The following CSMD1 variants were observed in gnomAD, a reference collection of about 807,000 sequenced individuals.
CSMD1 encodes CUB and Sushi multiple domains 1.
A neutral mutation model predicts 417.5 loss-of-function variants in CSMD1; 213 were observed. The observed-to-expected ratio is 0.51, with a 90% CI of 0.46 to 0.57. The LOEUF is 0.57. Ranked by LOEUF, CSMD1 falls within the 20% of genes least tolerant of loss-of-function variation. CSMD1 has a pLI of 0.00. For missense variants in CSMD1, 6,923 were observed against 4,529.7 expected, an observed-to-expected ratio of 1.53 and a Z score of -15.17; for synonymous variants, 2,862 against 1,736.8, an observed-to-expected ratio of 1.65 and a Z score of -16.11.
At chr8:4,456,372 A>G (rs1043641214) in intron 2 of CSMD1, among the ~76,000 whole-genome samples, 2 of 152,228 alleles carry the variant, frequency 1.3e-5, no homozygotes, top group Admixed American at 6.5e-5. Flanking sequence ...TGTATCTGTC[A>G]CTAATCAAAT....
chr8:3,486,047 G>T (rs1363595826), intron 11 of CSMD1, among the ~76,000 whole-genome samples: 2 of 152,060 alleles, frequency 1.3e-5, no homozygotes, highest in East Asian at 1.9e-4. Flanking sequence ...TCACTTGGCA[G>T]ATAGAAATGA....
rs375261299 is a variant in CSMD1, at chr8:2,980,494, C to T, written c.8378-1694G>A. ...TCTTTCTCCTCCTCCTTCTCTTTCT[C>T]CTCCTCCTTATCATTTTCATCTTCT... On this transcript the variant is annotated intron_variant, in intron 54 of 69. Coordinates refer to ENST00000635120, the MANE Select transcript of CSMD1 (RefSeq NM_033225.6). Among the ~76,000 whole-genome samples the T allele has an allele frequency of 1.3e-3, 197 of 152,224 alleles. 2 individuals carry two copies. The highest frequency in any genetic ancestry group is 4.6e-3 in the African/African-American group (191 of 41,548).
chr8:4,129,243 G>C (rs1010939688), intron 3 of CSMD1, among the ~76,000 whole-genome samples: 2 of 151,988 alleles, frequency 1.3e-5, no homozygotes, highest in Non-Finnish European at 2.9e-5. Context: ...CCTCTTCTGA[G>C]GATGTCTCCT....
At chr8:2,940,147 G>A (rs1801766905) in intron 69 of CSMD1, among the ~76,000 whole-genome samples, 1 of 152,252 alleles carries the variant, frequency 6.6e-6, no homozygotes, top group South Asian at 2.1e-4. Flanking sequence ...TGAGAAGCCA[G>A]TGTAGAGAGT....
intron 5 of CSMD1, among the ~76,000 whole-genome samples, chr8:3,933,355 T>G (rs1189480433): frequency 6.6e-6 from 1 of 152,232 alleles, no homozygotes; most frequent in Non-Finnish European, 1.5e-5. Flanking sequence ...AAGCTGTTTT[T>G]GGCGACATTT....
intron 3 of CSMD1, among the ~76,000 whole-genome samples, chr8:4,418,543 A>C (rs1223088328): frequency 6.6e-6 from 1 of 152,212 alleles, no homozygotes; most frequent in East Asian, 1.9e-4. Flanking sequence ...AAGTTTTCTA[A>C]AATGTGGAAG....
At chr8:4,092,612 A>G (rs562891482) in intron 3 of CSMD1, among the ~76,000 whole-genome samples, 4 of 152,360 alleles carry the variant, frequency 2.6e-5, no homozygotes, top group African/African-American at 7.2e-5. Context: ...TTAAGCAATT[A>G]TGAGAAGAAT....
chr8:3,753,588 T>C (rs772456203), intron 6 of CSMD1, among the ~76,000 whole-genome samples: 1 of 152,248 alleles, frequency 6.6e-6, no homozygotes, highest in Non-Finnish European at 1.5e-5. Flanking sequence ...TGCTATAGCA[T>C]GCTTAACATG....
intron 5 of CSMD1, among the ~76,000 whole-genome samples, chr8:3,911,337 G>T (rs1010979083): frequency 2.7e-5 from 4 of 150,176 alleles, no homozygotes; most frequent in African/African-American, 7.4e-5. Context: ...ATATATCCTA[G>T]CTAACACACT....
intron 15 of CSMD1, 90 bp from the exon 16 acceptor site, chr8:3,399,619 G>C: frequency 1.0e-6 from 1 of 955,700 alleles, no homozygotes; most frequent in Non-Finnish European, 1.5e-6. Flanking sequence ...ATCTGCTTCT[G>C]TGTTCATAGA....
chr8:4,100,061 G>C (rs1011042565), intron 3 of CSMD1, among the ~76,000 whole-genome samples: 1 of 152,068 alleles, frequency 6.6e-6, no homozygotes, highest in Non-Finnish European at 1.5e-5. Flanking sequence ...ATGCACTTTA[G>C]AATCCAAGAA....
chr8:4,509,959 G>C (rs916194650), intron 2 of CSMD1, among the ~76,000 whole-genome samples: 4 of 152,052 alleles, frequency 2.6e-5, no homozygotes, highest in Admixed American at 2.0e-4. Flanking sequence ...TTATGATTTT[G>C]CTGTGTCTCC....
chr8:4,150,397 AT>A (rs1157643062), intron 3 of CSMD1, among the ~76,000 whole-genome samples: 3 of 152,136 alleles, frequency 2.0e-5, no homozygotes, highest in Non-Finnish European at 4.4e-5. Flanking sequence ...TTTGGAAGTA[AT>A]GTGGACTCTC....
At chr8:4,071,306 C>G (rs940317298) in intron 3 of CSMD1, among the ~76,000 whole-genome samples, 1 of 152,054 alleles carries the variant, frequency 6.6e-6, no homozygotes, top group East Asian at 1.9e-4. Context: ...CTATATTCTA[C>G]TGATTAGATA....
chr8:3,257,008 C>T (rs987291596), intron 26 of CSMD1, among the ~76,000 whole-genome samples: 1 of 152,134 alleles, frequency 6.6e-6, no homozygotes, highest in Non-Finnish European at 1.5e-5. Flanking sequence ...ACTATTCATT[C>T]ATTTATTCCT....
chr8:4,549,090 T>G (rs1797752755), intron 2 of CSMD1, among the ~76,000 whole-genome samples: 2 of 152,198 alleles, frequency 1.3e-5, no homozygotes, highest in South Asian at 2.1e-4. Context: ...TAAACTTCCA[T>G]AAGTTTGACT....
chr8:3,712,506 C>T (rs1801584652), intron 6 of CSMD1, among the ~76,000 whole-genome samples: 1 of 152,054 alleles, frequency 6.6e-6, no homozygotes, highest in Non-Finnish European at 1.5e-5. Flanking sequence ...ATGGCAAATC[C>T]CTGCAATAGC....
At chr8:3,114,322 G>T in intron 42 of CSMD1, among the ~76,000 whole-genome samples, 1 of 151,890 alleles carries the variant, frequency 6.6e-6, no homozygotes. Context: ...ATCATTTATA[G>T]ATGGTTTTCT....
At chr8:3,956,289 A>T (rs1048374194) in intron 5 of CSMD1, among the ~76,000 whole-genome samples, 11 of 152,240 alleles carry the variant, frequency 7.2e-5, no homozygotes, top group African/African-American at 2.7e-4. Flanking sequence ...AAACCATCAC[A>T]TCAAAACTGT....
Sources: gnomAD v4.1 joint callset for allele counts (sites outside exome capture counted in the v4.1 genomes callset) on GRCh38, gnomAD v4.1.1 for gene constraint, MANE v1.5 for transcripts, NCBI Gene and HGNC (gene_info 2026-07-23, HGNC 2026-07-21) for gene names.